CLEC7A: variants seen among roughly 807,000 people sequenced by gnomAD.
The protein encoded by CLEC7A is C-type lectin domain family 7 member A.
A neutral mutation model predicts 26.9 loss-of-function variants in CLEC7A; 25 were observed. The ratio of observed to expected loss-of-function variants is 0.93; its 90% CI spans 0.68 to 1.30. The LOEUF (loss-of-function observed/expected upper bound fraction) is 1.30, where lower values mean the gene tolerates loss of function less well. Among genes scored for constraint, CLEC7A ranks in the 50% most tolerant of loss-of-function variants. CLEC7A has a pLI of 0.00. For missense variants in CLEC7A, 275 were observed against 286.7 expected, an observed-to-expected ratio of 0.96 and a Z score of 0.29; for synonymous variants, 100 against 99.5, an observed-to-expected ratio of 1.01 and a Z score of -0.03.
At chr12:10,126,764 G>A in intron 2 of CLEC7A, 56 bp from the exon 3 acceptor site, 3 of 1,451,032 alleles carry the variant, frequency 2.1e-6, no homozygotes, top group East Asian at 2.3e-5. Context: ...TGCTGTGTTT[G>A]AAAATTAAAA....
intron 1 of CLEC7A, among the ~76,000 whole-genome samples, chr12:10,128,235 C>T (rs1948368832): frequency 6.9e-6 from 1 of 144,496 alleles, no homozygotes; most frequent in African/African-American, 2.9e-5. Context: ...CACACACACA[C>T]ACACACACAC....
intron 5 of CLEC7A, among the ~76,000 whole-genome samples, chr12:10,121,580 T>C (rs1376600866): frequency 6.6e-6 from 1 of 152,174 alleles, no homozygotes; most frequent in Non-Finnish European, 1.5e-5. Context: ...CATATGTTTG[T>C]AAATTAAGAA....
chr12:10,125,232 GA>G, intron 4 of CLEC7A, 64 bp downstream of exon 4: 1 of 1,351,108 alleles, frequency 7.4e-7, no homozygotes, highest in East Asian at 2.4e-5. Context: ...TCATTACCTG[GA>G]ATCTCCCTCT....
intron 4 of CLEC7A, among the ~76,000 whole-genome samples, chr12:10,123,777 A>AAAAAAAAAAG (rs1948184022): frequency 2.6e-5 from 4 of 151,302 alleles, no homozygotes; most frequent in African/African-American, 9.8e-5. Flanking sequence ...CAAAAAAAAA[A>AAAAAAAAAAG]AAAAGAATGC....
intron 1 of CLEC7A, among the ~76,000 whole-genome samples, chr12:10,129,670 T>C (rs1948423106): frequency 1.3e-5 from 2 of 152,082 alleles, no homozygotes; most frequent in South Asian, 4.2e-4. Flanking sequence ...CAGGCTGGAG[T>C]GCATTGGCAT....
In CLEC7A at chr12:10,117,401, C is replaced by A. The variant is rs28409184; in HGVS notation, c.*1057G>T. Reference sequence around the variant, plus strand: ...CAAAATTAGCCGGGTGTGGTGGTGCCTGACTGTAATCCCAGCTACTTGGGA... The same window carrying A: ...CAAAATTAGCCGGGTGTGGTGGTGCATGACTGTAATCCCAGCTACTTGGGA... On this transcript the variant is annotated 3_prime_UTR_variant, in exon 6 of 6. Coordinates refer to ENST00000304084, the MANE Select transcript of CLEC7A (RefSeq NM_197947.3). 23,320 of 151,634 alleles carry A rather than the reference C, an allele frequency of 0.15. 2,676 individuals are homozygous for A. The highest frequency in any genetic ancestry group is 0.33 in the African/African-American group (13,637 of 41,176). 9.4% of individuals were successfully genotyped at this position (151,634 alleles called of 1,614,324 possible). A position where few individuals can be genotyped will look rare whatever the true frequency, so the allele number is the denominator to read the frequency against.
rs535846249 is a variant in CLEC7A, at chr12:10,118,726, A to C, written c.612-136T>G. On this transcript the variant is annotated intron_variant, in intron 5 of 5. Transcript: ENST00000304084. ...TCTATTATTGGAAAAGGAGGCTTAAATCTAAATTGTTGTGAATCTCAAGTG... is the reference window on the plus strand; with the variant it reads ...TCTATTATTGGAAAAGGAGGCTTAACTCTAAATTGTTGTGAATCTCAAGTG... 9 of 697,128 alleles carry C rather than the reference A, an allele frequency of 1.3e-5. No homozygotes were observed. The African/African-American group carries it at 1.3e-4, about 10-fold the overall frequency. The allele number at this position is 697,128 out of a possible 1,614,324, so 43.2% of individuals were successfully genotyped here.
chr12:10,127,718 G>T, intron 2 of CLEC7A, 29 bp downstream of exon 2: 1 of 1,426,904 alleles, frequency 7.0e-7, no homozygotes, highest in Non-Finnish European at 9.7e-7. Context: ...TAAATTGTCT[G>T]TTGTTAATCT....
intron 2 of CLEC7A, 82 bp downstream of exon 2, chr12:10,127,665 G>A: frequency 1.9e-6 from 2 of 1,047,104 alleles, no homozygotes; most frequent in Non-Finnish European, 2.9e-6. Context: ...GATTATGCAT[G>A]TCAAGCCCTT....
At position 10,125,390 on chromosome 12, in the gene CLEC7A, T is replaced by C. The variant is rs766202479; in HGVS notation, c.399A>G (p.Leu133=). ...NWIIYEKSCY[L]FSMSLNSWDG... ...CCCAGGAATTTAGTGACATGCTGAA[T>C]AGATAACAGCTCTTCTCATATATAA... Residue 133 remains leucine, a synonymous_variant, in exon 4 of 6, where the codon CTA becomes CTG. Transcript: ENST00000304084. The C allele has an allele frequency of 6.2e-6, 10 of 1,613,318 alleles. No homozygotes were observed. In the East Asian group the frequency reaches 6.7e-5, roughly 11 times the overall value.
At chr12:10,118,830 TAAAA>T (rs796950088) in intron 5 of CLEC7A, among the ~76,000 whole-genome samples, 1 of 151,036 alleles carries the variant, frequency 6.6e-6, no homozygotes, top group Non-Finnish European at 1.5e-5. Flanking sequence ...CTGCATAAAC[TAAAA>T]AAAAAGTTCC....
At chr12:10,124,869 T>C (rs1279193875) in intron 4 of CLEC7A, 1 of 175,596 alleles carries the variant, frequency 5.7e-6, no homozygotes, top group Non-Finnish European at 1.2e-5. Context: ...CTTTATGTGC[T>C]TAAGGCATGC....
At chr12:10,118,954 T>C (rs1947993897) in intron 5 of CLEC7A, among the ~76,000 whole-genome samples, 1 of 152,148 alleles carries the variant, frequency 6.6e-6, no homozygotes, top group Admixed American at 6.5e-5. Context: ...AATTAAATTA[T>C]TACTGGATAT....
rs776292856 is a variant in CLEC7A, at chr12:10,125,488, C to A, written c.341-40G>T. On this transcript the variant is annotated intron_variant, in intron 3 of 5. Coordinates refer to ENST00000304084, the MANE Select transcript of CLEC7A (RefSeq NM_197947.3). ...TTAGTACCATGAGGTTCATAGCATA[C>A]CAATTCACTCTTTTAGTGTGAACAC... The A allele has an allele frequency of 7.1e-6, 11 of 1,545,206 alleles. No individual in the cohort carries two copies. In the South Asian group the frequency reaches 1.3e-4, roughly 18 times the overall value.
rs958252103 is a variant in CLEC7A, at chr12:10,118,121, C to T, written c.*337G>A. 2 of 224,166 alleles carry T rather than the reference C, an allele frequency of 8.9e-6. No individual in the cohort carries two copies. Among genetic ancestry groups the T allele is most frequent in the African/African-American group, 2.4e-5 (1 of 42,166 alleles). 13.9% of individuals were successfully genotyped at this position (224,166 alleles called of 1,614,324 possible). On this transcript the variant is annotated 3_prime_UTR_variant, in exon 6 of 6. Transcript: ENST00000304084. ...GAGGGGCTGAGGCGAGAGATAGCTG[C>T]AGTGAGTCGAGATTGTGCCACTGCA...
chr12:10,127,622 C>T (rs764731853), intron 2 of CLEC7A, 125 bp downstream of exon 2: 59 of 915,592 alleles, frequency 6.4e-5, no homozygotes, highest in Middle Eastern at 2.1e-4. Context: ...CAACCCAATA[C>T]AGATAAAACC....
chr12:10,127,512 T>G, intron 2 of CLEC7A: 3 of 1,440,478 alleles, frequency 2.1e-6, no homozygotes, highest in Non-Finnish European at 2.9e-6. Context: ...CCCAAATTTC[T>G]AATCATGGTC....
At chr12:10,129,837 C>T (rs1357032904) in intron 1 of CLEC7A, 143 bp downstream of exon 1, 8 of 487,118 alleles carry the variant, frequency 1.6e-5, no homozygotes, top group East Asian at 3.3e-5. Flanking sequence ...AAGCTGGCCT[C>T]GAACTCCTGA....
In CLEC7A at chr12:10,125,592, T is replaced by C. The variant is rs913549289; in HGVS notation, c.341-144A>G. 11 of 615,012 alleles carry C rather than the reference T, an allele frequency of 1.8e-5. 1 individual carries two copies. In the Admixed American group the frequency reaches 2.8e-4, roughly 16 times the overall value. 38.1% of individuals were successfully genotyped at this position (615,012 alleles called of 1,614,324 possible). A position where few individuals can be genotyped will look rare whatever the true frequency, so the allele number is the denominator to read the frequency against. ...TCATTGTCAATTCGAACTACAGGGA[T>C]ATGATTTTACAGATGAGAATACATT... is the stretch of plus-strand genomic sequence containing the variant. On this transcript the variant is annotated intron_variant, in intron 3 of 5. Transcript: ENST00000304084.
Sources: gnomAD v4.1 joint callset for allele counts (sites outside exome capture counted in the v4.1 genomes callset) on GRCh38, gnomAD v4.1.1 for gene constraint, MANE v1.5 for transcripts, NCBI Gene and HGNC (gene_info 2026-07-23, HGNC 2026-07-21) for gene names.